Variants in AOPEP observed in about 807,000 individuals in gnomAD.
AOPEP encodes aminopeptidase O.
A neutral mutation model predicts 98.1 loss-of-function variants in AOPEP; 77 were observed. That is an observed-to-expected ratio of 0.78 (90% confidence interval 0.65 to 0.95). The LOEUF (loss-of-function observed/expected upper bound fraction) is 0.95, where lower values mean the gene tolerates loss of function less well. AOPEP is among the 40% of genes least tolerant of loss of function. AOPEP has a pLI of 0.00. For synonymous variants in AOPEP, 346 were observed against 365.3 expected, an observed-to-expected ratio of 0.95 and a Z score of 0.60; for missense variants, 1,024 against 1,024.7, an observed-to-expected ratio of 1.00 and a Z score of 0.01.
chr9:94,946,134 A>G (rs2057597781), intron 7 of AOPEP, among the ~76,000 whole-genome samples: 1 of 152,234 alleles, frequency 6.6e-6, no homozygotes, highest in Non-Finnish European at 1.5e-5. Flanking sequence ...TATATTTAAT[A>G]CAATTCAGTT....
chr9:94,767,548 G>C (rs1406375873), intron 2 of AOPEP, among the ~76,000 whole-genome samples: 2 of 152,234 alleles, frequency 1.3e-5, no homozygotes, highest in African/African-American at 4.8e-5. Flanking sequence ...TGTGACTTCA[G>C]ATAGTCATCT....
intron 5 of AOPEP, among the ~76,000 whole-genome samples, chr9:94,803,322 A>G (rs1054004514): frequency 6.6e-6 from 1 of 152,194 alleles, no homozygotes; most frequent in Non-Finnish European, 1.5e-5. Flanking sequence ...CTTAATTATA[A>G]TGAATACCAT....
intron 1 of AOPEP, among the ~76,000 whole-genome samples, chr9:94,753,193 T>A (rs1183967688): frequency 2.6e-5 from 4 of 151,874 alleles, no homozygotes; most frequent in Non-Finnish European, 4.4e-5. Context: ...CAAAGTTAAT[T>A]TGTCATGCAA....
At chr9:94,810,311 G>GT (rs377395781) in intron 5 of AOPEP, among the ~76,000 whole-genome samples, 3,739 of 149,436 alleles carry the variant, frequency 0.025, 181 homozygotes, top group African/African-American at 0.087. Flanking sequence ...TTTAATCAGG[G>GT]TTTTTTTGTT....
intron 5 of AOPEP, among the ~76,000 whole-genome samples, chr9:94,892,057 A>C (rs951638282): frequency 2.0e-5 from 3 of 152,140 alleles, no homozygotes; most frequent in Non-Finnish European, 1.5e-5. Flanking sequence ...CTGTCTTTCA[A>C]ATTAGTATTT....
chr9:95,069,860 G>A (rs2134053653), intron 14 of AOPEP, among the ~76,000 whole-genome samples: 1 of 152,340 alleles, frequency 6.6e-6, no homozygotes, highest in South Asian at 2.1e-4. Flanking sequence ...ATTGACTCCA[G>A]CAAGGGTGGT....
At chr9:94,835,252 G>T (rs1320812742) in intron 5 of AOPEP, among the ~76,000 whole-genome samples, 1 of 152,152 alleles carries the variant, frequency 6.6e-6, no homozygotes. Flanking sequence ...GCCACCACAG[G>T]ATGTACAGGA....
At chr9:94,926,570 C>T (rs530100430) in intron 6 of AOPEP, among the ~76,000 whole-genome samples, 2 of 152,330 alleles carry the variant, frequency 1.3e-5, no homozygotes, top group Non-Finnish European at 2.9e-5. Flanking sequence ...CCTTCAAGTG[C>T]GAGACTGGGC....
At chr9:94,868,939 A>G (rs1464694834) in intron 5 of AOPEP, among the ~76,000 whole-genome samples, 1 of 152,190 alleles carries the variant, frequency 6.6e-6, no homozygotes, top group Non-Finnish European at 1.5e-5. Context: ...CGTTTACTGT[A>G]TGTTTTTGGC....
chr9:95,005,749 ATGGG>A, intron 13 of AOPEP, 133 bp downstream of exon 13: 1 of 697,516 alleles, frequency 1.4e-6, no homozygotes, highest in Non-Finnish European at 2.5e-6. Context: ...GATTTAATAT[ATGGG>A]GAAATTCTAC....
At chr9:94,842,641 A>G (rs992436629) in intron 5 of AOPEP, among the ~76,000 whole-genome samples, 1 of 152,012 alleles carries the variant, frequency 6.6e-6, no homozygotes. Context: ...TTCTTTCTTC[A>G]TTTCTGATGT....
At chr9:95,117,378 G>C in the AOPEP span, 4 of 1,613,870 alleles carry the variant, frequency 2.5e-6, no homozygotes, top group South Asian at 4.4e-5. Context: ...TAGGTCTTGA[G>C]TGCAAACCGC....
chr9:95,055,552 CT>C, intron 13 of AOPEP, among the ~76,000 whole-genome samples: 2 of 152,340 alleles, frequency 1.3e-5, no homozygotes, highest in South Asian at 4.1e-4. Flanking sequence ...GCCAAGCTTT[CT>C]GTCTCCTTTA....
chr9:94,974,075 T>G (rs1434619539), intron 10 of AOPEP, among the ~76,000 whole-genome samples: 1 of 152,214 alleles, frequency 6.6e-6, no homozygotes, highest in Non-Finnish European at 1.5e-5. Context: ...ACATCCTGTT[T>G]CTTCCCTGAG....
intron 16 of AOPEP, among the ~76,000 whole-genome samples, chr9:95,083,697 GCAC>G (rs966251035): frequency 1.3e-5 from 2 of 150,000 alleles, no homozygotes; most frequent in Admixed American, 6.6e-5. Context: ...CACACCGCAC[GCAC>G]CACACAGAGC....
chr9:95,082,493 C>T (rs2069930644), intron 15 of AOPEP, 82 bp from the exon 16 acceptor site: 1 of 1,470,780 alleles, frequency 6.8e-7, no homozygotes, highest in Non-Finnish European at 9.3e-7. Context: ...GTGTGTGGAA[C>T]AAGCACAGAC....
chr9:95,130,702 G>C, the AOPEP span, among the ~76,000 whole-genome samples: 2 of 152,138 alleles, frequency 1.3e-5, no homozygotes, highest in African/African-American at 2.4e-5. Flanking sequence ...AGCTGTTTCC[G>C]AGCCACTGTT....
chr9:94,841,096 C>T (rs537399396), intron 5 of AOPEP, among the ~76,000 whole-genome samples: 175 of 151,988 alleles, frequency 1.2e-3, no homozygotes, highest in Non-Finnish European at 2.1e-3. Context: ...TGATTTGAGA[C>T]CTTTGTTCTA....
chr9:95,082,481 G>A lies in AOPEP; in HGVS notation c.2320-94G>A, dbSNP rs2069927683. 3 of 1,385,526 alleles carry A rather than the reference G, an allele frequency of 2.2e-6. No homozygotes were observed. The East Asian group carries it at 7.3e-5, about 34-fold the overall frequency. 85.8% of individuals were successfully genotyped at this position (1,385,526 alleles called of 1,614,324 possible). A position where few individuals can be genotyped will look rare whatever the true frequency, so the allele number is the denominator to read the frequency against. On this transcript the variant is annotated intron_variant, in intron 15 of 16. Coordinates refer to ENST00000375315, the MANE Select transcript of AOPEP (RefSeq NM_001193329.3). Reference sequence around the variant, plus strand: ...GTCTTTGCAATTTCTAGACCAGCAAGTGTGTGTGGAACAAGCACAGACTGA... The same window carrying A: ...GTCTTTGCAATTTCTAGACCAGCAAATGTGTGTGGAACAAGCACAGACTGA...
Sources: allele counts gnomAD v4.1 joint callset (sites outside exome capture counted in the v4.1 genomes callset), GRCh38; gene constraint gnomAD v4.1.1; transcripts MANE v1.5; gene names NCBI Gene and HGNC (gene_info 2026-07-23, HGNC 2026-07-21).